PYGO1: variants seen among roughly 807,000 people sequenced by gnomAD.
The protein encoded by PYGO1 is pygopus homolog 1.
Under a neutral mutation model 29.5 loss-of-function variants are expected in PYGO1, and 6 were observed. The ratio of observed to expected loss-of-function variants is 0.20; its 90% CI spans 0.11 to 0.40. The LOEUF is 0.40. PYGO1 is among the 10% of genes least tolerant of loss of function. PYGO1 has a pLI of 1.00. For synonymous variants in PYGO1, 186 were observed against 180.5 expected, an observed-to-expected ratio of 1.03 and a Z score of -0.24; for missense variants, 515 against 514.9, an observed-to-expected ratio of 1.00 and a Z score of 0.00.
chr15:55,588,077 G>A lies in PYGO1; in HGVS notation c.-194C>T. The stretch of plus-strand genomic sequence containing the variant: ...AGGAGGACGAGGCCTCGGGGCGGCG[G>A]GGCGGCGGGGCGGCGTGCGGGCACC... On this transcript the variant is annotated 5_prime_UTR_variant, in exon 1 of 3. Transcript: ENST00000563719. 2 of 1,062,032 alleles carry A rather than the reference G, an allele frequency of 1.9e-6. No individual in the cohort carries two copies. Among genetic ancestry groups the A allele is most frequent in the Non-Finnish European group, 2.3e-6 (2 of 879,948 alleles). 65.8% of individuals were successfully genotyped at this position (1,062,032 alleles called of 1,614,324 possible).
At chr15:55,582,296 T>C (rs1175941812) in intron 1 of PYGO1, among the ~76,000 whole-genome samples, 1 of 151,462 alleles carries the variant, frequency 6.6e-6, no homozygotes, top group Non-Finnish European at 1.5e-5. Context: ...AAGATGGCCA[T>C]GTTCCCCAAG....
chr15:55,565,359 T>C (rs532625592), intron 1 of PYGO1, among the ~76,000 whole-genome samples: 76 of 152,194 alleles, frequency 5.0e-4, no homozygotes, highest in South Asian at 1.5e-3. Flanking sequence ...CTGTTTTCAT[T>C]TATCTCACCA....
At position 55,541,716 on chromosome 15, in the gene PYGO1, G is replaced by A. The variant is rs1012327267; in HGVS notation, c.*4307C>T. Reference sequence around the variant, plus strand: ...GCACAGAGCACCCAGGAGAGGAAAAGCCAAGGCTGCTTATACATTTCACCA... The same window carrying A: ...GCACAGAGCACCCAGGAGAGGAAAAACCAAGGCTGCTTATACATTTCACCA... On this transcript the variant is annotated 3_prime_UTR_variant, in exon 3 of 3. Transcript: ENST00000563719. The A allele has an allele frequency of 1.3e-5, 2 of 152,192 alleles. No homozygotes were observed. The highest frequency in any genetic ancestry group is 4.8e-5 in the African/African-American group (2 of 41,450). 9.4% of individuals were successfully genotyped at this position (152,192 alleles called of 1,614,324 possible).
chr15:55,586,934 A>T (rs1470298744), intron 1 of PYGO1, among the ~76,000 whole-genome samples: 2 of 152,120 alleles, frequency 1.3e-5, no homozygotes, highest in Admixed American at 1.3e-4. Context: ...AAGAGGGTGA[A>T]CTCCTACTGG....
chr15:55,556,734 T>G (rs1487949863), intron 1 of PYGO1, among the ~76,000 whole-genome samples: 1 of 147,870 alleles, frequency 6.8e-6, no homozygotes, highest in Middle Eastern at 3.2e-3. Flanking sequence ...AAAAAATTAA[T>G]AAAAGAGACT....
rs567928840 is a variant in PYGO1, at chr15:55,545,073, A to G, written c.*950T>C. The G allele has an allele frequency of 6.6e-6, 1 of 151,886 alleles. No individual in the cohort carries two copies. Among genetic ancestry groups the G allele is most frequent in the Non-Finnish European group, 1.5e-5 (1 of 67,832 alleles). The allele number at this position is 151,886 out of a possible 1,614,324, so 9.4% of individuals were successfully genotyped here. Reference sequence around the variant, plus strand: ...CATTTTTGAAATTCAGATCCCCAGAACAAGATTTTTCAAACCACCACTGAG... The same window carrying G: ...CATTTTTGAAATTCAGATCCCCAGAGCAAGATTTTTCAAACCACCACTGAG... On this transcript the variant is annotated 3_prime_UTR_variant, in exon 3 of 3. Coordinates refer to ENST00000563719, the MANE Select transcript of PYGO1 (RefSeq NM_001367806.1).
At chr15:55,587,118 G>C (rs184046447) in intron 1 of PYGO1, among the ~76,000 whole-genome samples, 4 of 152,236 alleles carry the variant, frequency 2.6e-5, no homozygotes, top group Admixed American at 6.5e-5. Flanking sequence ...CAATTTCCGG[G>C]TGGCATTTGA....
At chr15:55,575,129 G>A (rs1433883179) in intron 1 of PYGO1, among the ~76,000 whole-genome samples, 7 of 152,128 alleles carry the variant, frequency 4.6e-5, no homozygotes, top group African/African-American at 9.7e-5. Context: ...TTTCTGACTC[G>A]AAAGCCTATA....
At chr15:55,559,019 A>G (rs2058920482) in intron 1 of PYGO1, among the ~76,000 whole-genome samples, 2 of 152,106 alleles carry the variant, frequency 1.3e-5, no homozygotes, top group South Asian at 4.1e-4. Flanking sequence ...CTGCACAGCA[A>G]AAGAAACTCC....
Position 55,546,664 on chromosome 15 carries a change from C to T in PYGO1, c.619G>A (p.Gly207Arg). Reference protein sequence around the residue: ...NPDLASNFVPGNNSNFTSPLE... With the variant: ...NPDLASNFVPRNNSNFTSPLE... ...GGAGAAGTAAAATTTGAATTATTTC[C>T]AGGAACAAAATTAGATGCCAAATCG... The change falls in exon 3 of 3, where the codon GGA becomes AGA. Residue 207 changes from glycine to arginine, a missense_variant. By Grantham distance (125) the Gly-to-Arg change is moderately radical. Transcript: ENST00000563719. 6.2e-7 allele frequency: 1 copy of T among 1,613,936 alleles called. No homozygotes were observed. The highest frequency in any genetic ancestry group is 8.5e-7 in the Non-Finnish European group (1 of 1,179,958).
chr15:55,545,921 T>C lies in PYGO1; in HGVS notation c.*102A>G. 2 of 1,271,864 alleles carry C rather than the reference T, an allele frequency of 1.6e-6. No individual in the cohort carries two copies. The highest frequency in any genetic ancestry group is 2.2e-6 in the Non-Finnish European group (2 of 926,422). 78.8% of individuals were successfully genotyped at this position (1,271,864 alleles called of 1,614,324 possible). On this transcript the variant is annotated 3_prime_UTR_variant, in exon 3 of 3. Transcript: ENST00000563719. ...AATAAAAACTAAGTAAATAATGTTT[T>C]TGTGTATGCATTTAAAAAAATAATG... is the stretch of plus-strand genomic sequence containing the variant.
intron 1 of PYGO1, among the ~76,000 whole-genome samples, chr15:55,557,083 A>G (rs1354901430): frequency 6.6e-6 from 1 of 151,972 alleles, no homozygotes; most frequent in Non-Finnish European, 1.5e-5. Context: ...TGTTCCAAAG[A>G]AATGAAAAGG....
rs555749910 is a variant in PYGO1 at position 55,540,541 on chromosome 15, C to A, written c.*5482G>T. The A allele has an allele frequency of 1.8e-4, 27 of 152,198 alleles. No homozygotes were observed. The highest frequency in any genetic ancestry group is 6.8e-3 in the Middle Eastern group (2 of 294). The allele number at this position is 152,198 out of a possible 1,614,324, so 9.4% of individuals were successfully genotyped here. ...GTAACACTAAAATTTACTCCTCTCC[C>A]ATTTGAAAGACATCAGGCCATCTAT... On this transcript the variant is annotated 3_prime_UTR_variant, in exon 3 of 3. Coordinates refer to ENST00000563719, the MANE Select transcript of PYGO1 (RefSeq NM_001367806.1).
chr15:55,588,129 A>G lies in PYGO1; in HGVS notation c.-246T>C. 13 of 823,140 alleles carry G rather than the reference A, an allele frequency of 1.6e-5. No homozygotes were observed. The highest frequency in any genetic ancestry group is 1.9e-5 in the Non-Finnish European group (13 of 684,646). The allele number at this position is 823,140 out of a possible 1,614,324, so 51.0% of individuals were successfully genotyped here. A position where few individuals can be genotyped will look rare whatever the true frequency, so the allele number is the denominator to read the frequency against. On this transcript the variant is annotated 5_prime_UTR_variant, in exon 1 of 3. Coordinates refer to ENST00000563719, the MANE Select transcript of PYGO1 (RefSeq NM_001367806.1). ...GCGGGGCTCAGCGGCGGTGGCCGGG[A>G]GCGCGGCCTGGGGGCGGCCCCCCAC...
At chr15:55,551,538 G>T (rs528165134) in intron 1 of PYGO1, among the ~76,000 whole-genome samples, 1 of 152,132 alleles carries the variant, frequency 6.6e-6, no homozygotes, top group African/African-American at 2.4e-5. Context: ...GGCTCATGTC[G>T]ATAATCTCAA....
rs1028370528 is a variant in PYGO1, at chr15:55,539,446, A to T, written c.*6577T>A. 1.3e-5 allele frequency: 2 copies of T among 151,932 alleles called. No individual in the cohort carries two copies. The highest frequency in any genetic ancestry group is 2.9e-5 in the Non-Finnish European group (2 of 67,888). 9.4% of individuals were successfully genotyped at this position (151,932 alleles called of 1,614,324 possible). Reference sequence around the variant, plus strand: ...ACCTGGTCATTAACCAAAAAAAAAAATAAACAATTTGGGGTAATCTAGTCA... The same window carrying T: ...ACCTGGTCATTAACCAAAAAAAAAATTAAACAATTTGGGGTAATCTAGTCA... On this transcript the variant is annotated 3_prime_UTR_variant, in exon 3 of 3. Transcript: ENST00000563719.
chr15:55,554,437 C>A (rs1481099691), intron 1 of PYGO1, among the ~76,000 whole-genome samples: 2 of 140,194 alleles, frequency 1.4e-5, no homozygotes, highest in Non-Finnish European at 1.5e-5. Context: ...CCACTGCACT[C>A]CAGTCTGGGT....
At chr15:55,548,670 C>T (rs2058863540) in intron 2 of PYGO1, among the ~76,000 whole-genome samples, 1 of 124,616 alleles carries the variant, frequency 8.0e-6, no homozygotes, top group African/African-American at 3.1e-5. Context: ...CACCCCACTG[C>T]ACTCACTCCA....
chr15:55,566,411 T>G (rs967780007), intron 1 of PYGO1, among the ~76,000 whole-genome samples: 2 of 147,154 alleles, frequency 1.4e-5, no homozygotes, highest in East Asian at 3.9e-4. Flanking sequence ...GATTTCATTC[T>G]TTTTTTTTTA....
Sources: allele counts gnomAD v4.1 joint callset (sites outside exome capture counted in the v4.1 genomes callset), GRCh38; gene constraint gnomAD v4.1.1; transcripts MANE v1.5; gene names NCBI Gene and HGNC (gene_info 2026-07-23, HGNC 2026-07-21).